The following OXSR1 variants were observed in gnomAD, a reference collection of about 807,000 sequenced individuals.
OXSR1 encodes the protein oxidative stress responsive kinase 1, also known as serine/threonine-protein kinase OSR1.
Under a neutral mutation model 79.8 loss-of-function variants are expected in OXSR1, and 24 were observed. The observed-to-expected ratio is 0.30, with a 90% confidence interval of 0.22 to 0.42. The LOEUF is 0.42. Ranked by LOEUF, OXSR1 falls within the 10% of genes least tolerant of loss-of-function variation. The pLI is 1.00. For missense variants in OXSR1, 430 were observed against 618.4 expected, an observed-to-expected ratio of 0.70 and a Z score of 3.23; for synonymous variants, 226 against 209.2, an observed-to-expected ratio of 1.08 and a Z score of -0.69.
Position 38,252,382 on chromosome 3 carries a change from C to T in OXSR1, c.1499C>T (p.Thr500Ile), listed in dbSNP as rs1166420798. 5 of 1,609,242 alleles carry T rather than the reference C, an allele frequency of 3.1e-6. No homozygotes were observed. The highest frequency in any genetic ancestry group is 4.3e-6 in the Non-Finnish European group (5 of 1,175,722). The part of the protein sequence containing the change: ...VEEPQSNRSV[T>I]FKLASGVEGS... ...GAACCTCAGTCAAATCGATCTGTCA[C>T]TTTCAAACTGGTACTCATCCCTTCT... Residue 500 changes from threonine to isoleucine, a missense_variant, in exon 17 of 18, where the codon ACT becomes ATT. Thr to Ile is a moderately conservative substitution (Grantham distance 89). Around this residue, in one of 3 missense-constraint regions of OXSR1, gnomAD observed 276 missense variants for 354.2 expected, o/e 0.78. Coordinates refer to ENST00000311806, the MANE Select transcript of OXSR1 (RefSeq NM_005109.3).
At chr3:38,231,347 G>A (rs2125843112) in intron 10 of OXSR1, among the ~76,000 whole-genome samples, 1 of 150,996 alleles carries the variant, frequency 6.6e-6, no homozygotes, top group East Asian at 1.9e-4. Flanking sequence ...AAAAAAAAAA[G>A]AAAGAAACAT....
intron 2 of OXSR1, among the ~76,000 whole-genome samples, chr3:38,185,726 T>C (rs2030105721): frequency 6.6e-6 from 1 of 152,118 alleles, no homozygotes; most frequent in Non-Finnish European, 1.5e-5. Context: ...GAGGATCACT[T>C]GAGGCTAGGA....
At chr3:38,179,691 C>G (rs767087233) in intron 1 of OXSR1, among the ~76,000 whole-genome samples, 16 of 152,294 alleles carry the variant, frequency 1.1e-4, no homozygotes, top group Non-Finnish European at 2.1e-4. Flanking sequence ...CATGCATACT[C>G]AAGTCCTGCA....
intron 2 of OXSR1, among the ~76,000 whole-genome samples, chr3:38,190,500 T>A (rs2125813981): frequency 6.6e-6 from 1 of 152,256 alleles, no homozygotes; most frequent in South Asian, 2.1e-4. Flanking sequence ...TTAAATAGTG[T>A]GCTTCTAGTT....
intron 4 of OXSR1, among the ~76,000 whole-genome samples, chr3:38,215,368 AG>A (rs1702462902): frequency 6.6e-6 from 1 of 152,164 alleles, no homozygotes; most frequent in African/African-American, 2.4e-5. Flanking sequence ...GAGTTCCTCT[AG>A]GTTATCAAGA....
intron 4 of OXSR1, among the ~76,000 whole-genome samples, chr3:38,206,412 A>C (rs1215901526): frequency 6.6e-6 from 1 of 152,118 alleles, no homozygotes. Flanking sequence ...TACATTATGC[A>C]AAGTAGATGT....
At chr3:38,194,266 T>C (rs1251726820) in intron 3 of OXSR1, among the ~76,000 whole-genome samples, 2 of 152,126 alleles carry the variant, frequency 1.3e-5, no homozygotes, top group Non-Finnish European at 2.9e-5. Context: ...TAAGTAATAA[T>C]TGGCTGGGTG....
chr3:38,188,147 T>C (rs1701917826), intron 2 of OXSR1, among the ~76,000 whole-genome samples: 1 of 152,162 alleles, frequency 6.6e-6, no homozygotes, highest in Non-Finnish European at 1.5e-5. Flanking sequence ...AAACCCTTTG[T>C]AGTACTCCCC....
intron 3 of OXSR1, among the ~76,000 whole-genome samples, chr3:38,196,760 A>G (rs1038628936): frequency 6.6e-6 from 1 of 152,200 alleles, no homozygotes; most frequent in Non-Finnish European, 1.5e-5. Context: ...ACCAGACTAG[A>G]AGTTCCCTTA....
intron 1 of OXSR1, among the ~76,000 whole-genome samples, chr3:38,172,163 T>C (rs777853158): frequency 2.4e-4 from 36 of 152,256 alleles, no homozygotes; most frequent in Non-Finnish European, 4.4e-4. Flanking sequence ...TATGAAATAC[T>C]ATGTGATGTG....
intron 4 of OXSR1, among the ~76,000 whole-genome samples, chr3:38,214,332 G>A (rs1156696517): frequency 6.6e-6 from 1 of 152,048 alleles, no homozygotes; most frequent in African/African-American, 2.4e-5. Context: ...TGCTAAGTAA[G>A]TACAGGTGAC....
At chr3:38,175,326 G>A (rs1161095915) in intron 1 of OXSR1, among the ~76,000 whole-genome samples, 2 of 151,802 alleles carry the variant, frequency 1.3e-5, no homozygotes, top group East Asian at 1.9e-4. Flanking sequence ...TTATTTTTGA[G>A]GTGGGGTCTC....
At chr3:38,240,823 A>G (rs1289140995) in intron 11 of OXSR1, among the ~76,000 whole-genome samples, 1 of 152,234 alleles carries the variant, frequency 6.6e-6, no homozygotes, top group Admixed American at 6.5e-5. Context: ...CAATTTAGAA[A>G]ATAGCTATCT....
At chr3:38,180,606 A>AC (rs1701766296) in intron 1 of OXSR1, among the ~76,000 whole-genome samples, 1 of 138,058 alleles carries the variant, frequency 7.2e-6, no homozygotes, top group Non-Finnish European at 1.5e-5. Flanking sequence ...TTCTTGGCTC[A>AC]CTGCAACCTC....
chr3:38,172,524 A>G (rs1701601457), intron 1 of OXSR1, among the ~76,000 whole-genome samples: 1 of 152,228 alleles, frequency 6.6e-6, no homozygotes, highest in Non-Finnish European at 1.5e-5. Flanking sequence ...AGGCAGTGCA[A>G]TATATTTCTA....
At position 38,252,764 on chromosome 3, in the gene OXSR1, C is replaced by G. The variant is rs1271239135; in HGVS notation, c.1510-53C>G. 8 of 1,427,108 alleles carry G rather than the reference C, an allele frequency of 5.6e-6. No individual in the cohort carries two copies. In the East Asian group the frequency reaches 1.8e-4, roughly 32 times the overall value. The allele number at this position is 1,427,108 out of a possible 1,614,324, so 88.4% of individuals were successfully genotyped here. On this transcript the variant is annotated intron_variant, in intron 17 of 17. Transcript: ENST00000311806. ...TATCCCATGTCTGTTTTATTTGCTA[C>G]CTGCAAGTTTGTTTATAAATAATCA...
intron 11 of OXSR1, among the ~76,000 whole-genome samples, chr3:38,238,524 G>T (rs971163127): frequency 1.3e-5 from 2 of 151,808 alleles, no homozygotes; most frequent in Non-Finnish European, 2.9e-5. Flanking sequence ...AAGTCTTTTG[G>T]TGATGATTTT....
chr3:38,169,337 G>T (rs527637997), intron 1 of OXSR1, among the ~76,000 whole-genome samples: 1 of 151,116 alleles, frequency 6.6e-6, no homozygotes, highest in Non-Finnish European at 1.5e-5. Context: ...ATGGAGTCTT[G>T]CTCTGTTGCC....
At chr3:38,238,055 ACT>A (rs775132660) in intron 11 of OXSR1, among the ~76,000 whole-genome samples, 48 of 152,190 alleles carry the variant, frequency 3.2e-4, no homozygotes, top group Non-Finnish European at 1.2e-4. Flanking sequence ...TCTAATTATT[ACT>A]CTCTAGCTAT....
Sources: allele counts gnomAD v4.1 joint callset (sites outside exome capture counted in the v4.1 genomes callset), GRCh38; gene constraint gnomAD v4.1.1; regional missense constraint gnomAD v4.1.1; transcripts MANE v1.5; gene names NCBI Gene and HGNC (gene_info 2026-07-23, HGNC 2026-07-21).